The following MAOB variants were observed in gnomAD, a reference collection of about 807,000 sequenced individuals.
MAOB encodes monoamine oxidase B.
MAOB carries 15 observed loss-of-function variants against 41.9 expected under a neutral mutation model. That is an observed-to-expected ratio of 0.36 (90% CI 0.24 to 0.55). The LOEUF is 0.55. Among genes scored for constraint, MAOB ranks in the 20% least tolerant of loss-of-function variants. The pLI is 0.86. For missense variants in MAOB, 345 were observed against 398.7 expected (o/e 0.87, Z 1.15); for synonymous variants, 167 against 144.2 (o/e 1.16, Z -1.13).
chrX:43,769,077 G>A (rs1226968263), intron 13 of MAOB, among the ~76,000 whole-genome samples: 2 of 111,982 alleles, frequency 1.8e-5, no homozygotes, highest in Non-Finnish European at 3.8e-5. Context: ...TAGTCAGGTT[G>A]ATCGTTTGCC....
At chrX:43,769,172 A>G (rs2034149007) in intron 13 of MAOB, 135 bp downstream of exon 13, 1 of 952,735 alleles carries the variant, frequency 1.0e-6, no homozygotes, top group Admixed American at 4.8e-5. Context: ...CTGAGACAAT[A>G]GTTAAAATAG....
intron 1 of MAOB, among the ~76,000 whole-genome samples, chrX:43,867,213 T>C (rs889906829): frequency 8.9e-6 from 1 of 111,888 alleles, no homozygotes; most frequent in East Asian, 2.8e-4. Flanking sequence ...AGAATATGGT[T>C]CCACTTCCTG....
chrX:43,847,334 GACTCTGTCTTAAAAAAATA>G (rs2035214323), intron 1 of MAOB, among the ~76,000 whole-genome samples: 1 of 111,130 alleles, frequency 9.0e-6, no homozygotes, highest in Admixed American at 9.6e-5. Flanking sequence ...GACAGAGTGA[GACTCTGTCTTAAAAAAATA>G]AAATAAAATA....
At chrX:43,778,204 T>C (rs2034283560) in intron 11 of MAOB, among the ~76,000 whole-genome samples, 1 of 111,123 alleles carries the variant, frequency 9.0e-6, no homozygotes, top group Admixed American at 9.6e-5. Flanking sequence ...GTAATCTTAT[T>C]TTTTTACTGT....
chrX:43,878,136 T>C (rs1370434874), intron 1 of MAOB, among the ~76,000 whole-genome samples: 1 of 111,814 alleles, frequency 8.9e-6, no homozygotes, highest in African/African-American at 3.3e-5. Flanking sequence ...ATTTTAAAGA[T>C]GAGGCAGCTG....
Position 43,793,591 on chromosome X carries a change from C to A in MAOB, c.769-13G>T, listed in dbSNP as rs1324222435. On this transcript the variant is annotated splice_polypyrimidine_tract_variant and intron_variant, in intron 7 of 14. Coordinates refer to ENST00000378069, the MANE Select transcript of MAOB (RefSeq NM_000898.5). Reference sequence around the variant, plus strand: ...TCACATATTTAGCCTGAAAGAAAAGCAACATGGTTAAACATTGTTGCCGTG... The same window carrying A: ...TCACATATTTAGCCTGAAAGAAAAGAAACATGGTTAAACATTGTTGCCGTG... The A allele has an allele frequency of 8.5e-7, 1 of 1,181,347 alleles. No individual in the cohort carries two copies. Among genetic ancestry groups the A allele is most frequent in the African/African-American group, 1.8e-5 (1 of 55,966 alleles).
chrX:43,771,074 T>C (rs1406909156), intron 12 of MAOB, among the ~76,000 whole-genome samples: 2 of 111,660 alleles, frequency 1.8e-5, no homozygotes, highest in African/African-American at 6.5e-5. Context: ...CATTGGTGGG[T>C]TTTCTTTCAC....
At chrX:43,811,959 C>A (rs2034752396) in intron 3 of MAOB, among the ~76,000 whole-genome samples, 1 of 111,000 alleles carries the variant, frequency 9.0e-6, no homozygotes, top group Non-Finnish European at 1.9e-5. Flanking sequence ...TTTTTTTTAT[C>A]CATTAACCAT....
At chrX:43,793,162 G>T (rs1201925856) in intron 8 of MAOB, among the ~76,000 whole-genome samples, 1 of 111,211 alleles carries the variant, frequency 9.0e-6, no homozygotes, top group Admixed American at 9.6e-5. Context: ...GAAAATAATA[G>T]ACACTGAGGA....
chrX:43,853,094 C>T (rs1302614913), intron 1 of MAOB, among the ~76,000 whole-genome samples: 2 of 108,628 alleles, frequency 1.8e-5, no homozygotes, highest in African/African-American at 3.4e-5. Flanking sequence ...ATGTGAAACC[C>T]CATCTCTACT....
intron 7 of MAOB, 30 bp from the exon 8 acceptor site, chrX:43,793,608 G>GT: frequency 8.9e-7 from 1 of 1,117,617 alleles, no homozygotes; most frequent in Non-Finnish European, 1.2e-6. Flanking sequence ...GTTAAACATT[G>GT]TTGCCGTGTT....
intron 5 of MAOB, among the ~76,000 whole-genome samples, chrX:43,799,128 T>C (rs3027454): frequency 0.043 from 4,794 of 111,359 alleles, 289 homozygotes; most frequent in African/African-American, 0.15. Context: ...TATTTGCAGC[T>C]GTAACAACCT....
intron 8 of MAOB, among the ~76,000 whole-genome samples, chrX:43,786,519 G>A (rs889575933): frequency 9.0e-6 from 1 of 111,726 alleles, no homozygotes; most frequent in African/African-American, 3.3e-5. Flanking sequence ...CAGGCATGCT[G>A]GGGCAGGAAA....
At position 43,803,245 on chromosome X, in the gene MAOB, T is replaced by C. The variant is rs755469705; in HGVS notation, c.384+55A>G. The C allele has an allele frequency of 1.6e-4, 163 of 1,033,273 alleles. 1 individual carries two copies. In the African/African-American group the frequency reaches 2.9e-3, roughly 19 times the overall value. 85.2% of individuals were successfully genotyped at this position (1,033,273 alleles called of 1,213,427 possible). A position where few individuals can be genotyped will look rare whatever the true frequency, so the allele number is the denominator to read the frequency against. ...GGAGATATATTTTACTTTCTTTCTTTGAAGGATGAAACTTATTACAAAAAA... is the reference window on the plus strand; with the variant it reads ...GGAGATATATTTTACTTTCTTTCTTCGAAGGATGAAACTTATTACAAAAAA... On this transcript the variant is annotated intron_variant, in intron 4 of 14. Coordinates refer to ENST00000378069, the MANE Select transcript of MAOB (RefSeq NM_000898.5).
At chrX:43,844,726 TCTC>T (rs1203981671) in intron 1 of MAOB, 2 of 112,456 alleles carry the variant, frequency 1.8e-5, no homozygotes, top group Non-Finnish European at 3.8e-5. Context: ...GGATGCTTGT[TCTC>T]CTCCTGCCTT....
intron 1 of MAOB, among the ~76,000 whole-genome samples, chrX:43,864,610 C>A (rs1335991570): frequency 9.0e-6 from 1 of 111,423 alleles, no homozygotes; most frequent in East Asian, 2.8e-4. Context: ...TTGGGATTAA[C>A]TACATAGAGG....
At chrX:43,786,008 T>C (rs2034394095) in intron 8 of MAOB, among the ~76,000 whole-genome samples, 1 of 111,042 alleles carries the variant, frequency 9.0e-6, no homozygotes, top group African/African-American at 3.3e-5. Flanking sequence ...GTTGGAAAAA[T>C]GATGCCGATA....
intron 8 of MAOB, 136 bp from the exon 9 acceptor site, chrX:43,781,680 G>A (rs2034334830): frequency 8.7e-6 from 3 of 344,800 alleles, no homozygotes; most frequent in African/African-American, 2.7e-5. Flanking sequence ...AACATATGAA[G>A]GCAAACCAAA....
At chrX:43,836,999 G>A (rs2035079086) in intron 3 of MAOB, among the ~76,000 whole-genome samples, 1 of 111,829 alleles carries the variant, frequency 8.9e-6, no homozygotes, top group Non-Finnish European at 1.9e-5. Context: ...TCTCAGACAA[G>A]GGACTTAATG....
Sources: gnomAD v4.1 joint callset for allele counts (sites outside exome capture counted in the v4.1 genomes callset) on GRCh38, gnomAD v4.1.1 for gene constraint, MANE v1.5 for transcripts, NCBI Gene and HGNC (gene_info 2026-07-23, HGNC 2026-07-21) for gene names.